Variants in PLCB3 observed in about 807,000 individuals in gnomAD.
PLCB3 encodes the protein phospholipase C beta 3.
In PLCB3, 54 loss-of-function variants were observed where a neutral mutation model predicts 152.1. The ratio of observed to expected loss-of-function variants is 0.36; its 90% CI spans 0.29 to 0.45. The LOEUF (loss-of-function observed/expected upper bound fraction) is 0.45. PLCB3 is among the 20% of genes least tolerant of loss of function. The pLI, the probability that PLCB3 is intolerant of heterozygous loss-of-function variation, is 1.00. For synonymous variants in PLCB3, 717 were observed against 698.7 expected, an observed-to-expected ratio of 1.03 and a Z score of -0.41; for missense variants, 1,248 against 1,687.5, an observed-to-expected ratio of 0.74 and a Z score of 4.56.
At position 64,264,012 on chromosome 11, in the gene PLCB3, T is replaced by TC; in HGVS notation, c.2561-3dup. 1.9e-6 allele frequency: 3 copies of TC among 1,564,396 alleles called. No homozygotes were observed. The highest frequency in any genetic ancestry group is 8.7e-7 in the Non-Finnish European group (1 of 1,154,542). On this transcript the variant is annotated splice_polypyrimidine_tract_variant and intron_variant, in intron 21 of 30. Transcript: ENST00000279230. ...GTCTCTGAGACCTTGGCCTTCTGCC[T>TC]CCCCCCAGACTATGCGGAGGCCCTG...
chr11:64,267,787 C>T lies in PLCB3; in HGVS notation c.*231C>T. On this transcript the variant is annotated 3_prime_UTR_variant, in exon 31 of 31. Transcript: ENST00000279230. This position sits in a 1 kb window ranked among gnomAD's most constrained non-coding sequence, Gnocchi z 5.2. ...AGGGCTTTGCTCCCTGTGACACCCA[C>T]ACCCTCGAGCTAGCAGCGTCTCCTC... The T allele has an allele frequency of 2.0e-6, 1 of 488,562 alleles. No homozygotes were observed. Among genetic ancestry groups the T allele is most frequent in the Non-Finnish European group, 3.6e-6 (1 of 277,666 alleles). The allele number at this position is 488,562 out of a possible 1,614,324, so 30.3% of individuals were successfully genotyped here.
In PLCB3 at chr11:64,265,322, C is replaced by A. The variant is rs765829193; in HGVS notation, c.2855C>A (p.Thr952Asn). 1.3e-6 allele frequency: 2 copies of A among 1,596,652 alleles called. No homozygotes were observed. The highest frequency in any genetic ancestry group is 2.2e-5 in the South Asian group (2 of 89,318). Residue 952 changes from threonine (T) to asparagine (N), a missense_variant, in exon 25 of 31, where the codon ACC (threonine) becomes AAC (asparagine). Around this residue, in one of 6 missense-constraint regions of PLCB3, gnomAD observed 477 missense variants for 489.6 expected, o/e 0.97. Coordinates refer to ENST00000279230, the MANE Select transcript of PLCB3 (RefSeq NM_000932.5). ...IASILSEVAP[T>N]PLDELRGHKA... ...CTGCCGCTCCCAGAGGTGGCCCCCA[C>A]CCCGCTGGATGAGCTCCGAGGTCAC...
In PLCB3 at chr11:64,266,642, C is replaced by A; in HGVS notation, c.3414+90C>A. On this transcript the variant is annotated intron_variant, in intron 29 of 30. Transcript: ENST00000279230. The surrounding 1 kb of genome is among the most constrained non-coding windows in gnomAD (Gnocchi z 4.9). Reference sequence around the variant, plus strand: ...CATGCCTGGCCTGGTGCCACGTTGCCCTCAAGGTTCTTCTAGGGCCTTTCT... The same window carrying A: ...CATGCCTGGCCTGGTGCCACGTTGCACTCAAGGTTCTTCTAGGGCCTTTCT... 7.8e-7 allele frequency: 1 copy of A among 1,285,710 alleles called. No individual in the cohort carries two copies. The highest frequency in any genetic ancestry group is 1.1e-6 in the Non-Finnish European group (1 of 886,300). The allele number at this position is 1,285,710 out of a possible 1,614,324, so 79.6% of individuals were successfully genotyped here. A position where few individuals can be genotyped will look rare whatever the true frequency, so the allele number is the denominator to read the frequency against.
rs768472749 is a variant in PLCB3 at position 64,266,071 on chromosome 11, G to A, written c.3189+32G>A. On this transcript the variant is annotated intron_variant, in intron 26 of 30. Coordinates refer to ENST00000279230, the MANE Select transcript of PLCB3 (RefSeq NM_000932.5). This position sits in a 1 kb window ranked among gnomAD's most constrained non-coding sequence, Gnocchi z 4.9. ...GGCCTGCAGTGGCCAGGGAAAGCCTGCTGGATAGACCCGTCGTCAGCCCGG... is the reference window on the plus strand; with the variant it reads ...GGCCTGCAGTGGCCAGGGAAAGCCTACTGGATAGACCCGTCGTCAGCCCGG... 6.2e-7 allele frequency: 1 copy of A among 1,613,960 alleles called. No homozygotes were observed. Among genetic ancestry groups the A allele is most frequent in the South Asian group, 1.1e-5 (1 of 91,080 alleles).
rs2031194452 is a variant in PLCB3, at chr11:64,251,533, C to G, written c.-117C>G. On this transcript the variant is annotated 5_prime_UTR_variant, in exon 1 of 31. Transcript: ENST00000279230. ...GAGGCTCTGGTCGGTCCGGGACAGACTGGCGGGCGGGCGGGCACTGACGCC... is the reference window on the plus strand; with the variant it reads ...GAGGCTCTGGTCGGTCCGGGACAGAGTGGCGGGCGGGCGGGCACTGACGCC... 1 of 273,856 alleles carries G rather than the reference C, an allele frequency of 3.7e-6. No individual in the cohort carries two copies. The highest frequency in any genetic ancestry group is 6.3e-6 in the Non-Finnish European group (1 of 159,168). The allele number at this position is 273,856 out of a possible 1,614,324, so 17.0% of individuals were successfully genotyped here.
At chr11:64,262,130 G>T (rs1162461516) in intron 17 of PLCB3, 54 bp downstream of exon 17, 1 of 1,609,604 alleles carries the variant, frequency 6.2e-7, no homozygotes, top group African/African-American at 1.3e-5. Flanking sequence ...ACTGACTTCT[G>T]ACCCACGATC....
At chr11:64,265,151 C>A (rs369637840) in intron 23 of PLCB3, 41 bp from the exon 24 acceptor site, 75 of 1,563,928 alleles carry the variant, frequency 4.8e-5, no homozygotes, top group Middle Eastern at 1.7e-4. Context: ...AGGCACCCCC[C>A]ACCCTGTCCT....
Position 64,262,645 on chromosome 11 carries a change from A to G in PLCB3, c.2194-2A>G. On this transcript the variant is annotated splice_acceptor_variant, in intron 18 of 30. Coordinates refer to ENST00000279230, the MANE Select transcript of PLCB3 (RefSeq NM_000932.5). LOFTEE classifies it high-confidence loss of function. Reference sequence around the variant, plus strand: ...GCCTCACCCTCCTTGGCCCACCCCCAGGTGATCTCAGGGCAGTTCCTGTCC... The same window carrying G: ...GCCTCACCCTCCTTGGCCCACCCCCGGGTGATCTCAGGGCAGTTCCTGTCC... The G allele has an allele frequency of 1.2e-6, 2 of 1,613,770 alleles. No individual in the cohort carries two copies. The highest frequency in any genetic ancestry group is 1.7e-6 in the Non-Finnish European group (2 of 1,179,952).
At chr11:64,256,807 G>T in intron 10 of PLCB3, 43 bp downstream of exon 10, 1 of 1,600,116 alleles carries the variant, frequency 6.2e-7, no homozygotes, top group South Asian at 1.1e-5. Context: ...TCTGCCCTGT[G>T]ACCCTTGCAC....
intron 17 of PLCB3, 28 bp from the exon 18 acceptor site, chr11:64,262,379 C>T (rs376611715): frequency 3.1e-6 from 5 of 1,607,008 alleles, no homozygotes; most frequent in Non-Finnish European, 4.3e-6. Flanking sequence ...GATCCCTGCC[C>T]CTGCTCGACG....
At position 64,266,483 on chromosome 11, in the gene PLCB3, G is replaced by A. The variant is rs2032129745; in HGVS notation, c.3357-12G>A. On this transcript the variant is annotated splice_polypyrimidine_tract_variant and intron_variant, in intron 28 of 30. Coordinates refer to ENST00000279230, the MANE Select transcript of PLCB3 (RefSeq NM_000932.5). The surrounding 1 kb of genome is among the most constrained non-coding windows in gnomAD (Gnocchi z 4.9). The stretch of plus-strand genomic sequence containing the variant: ...TCTGGGCCCCGAGCCATCCTGCGTT[G>A]CTCCCGTGCAGGGAACTGACGGAGA... 1.2e-6 allele frequency: 2 copies of A among 1,613,380 alleles called. No homozygotes were observed. Among genetic ancestry groups the A allele is most frequent in the Non-Finnish European group, 1.7e-6 (2 of 1,179,634 alleles).
Position 64,266,794 on chromosome 11 carries a change from C to A in PLCB3, c.3414+242C>A, listed in dbSNP as rs1316650631. Reference sequence around the variant, plus strand: ...CCTGATACATTGCCCTGGGAGCCTTCGCCCACCTGACTTCTTTTTCTTTGA... The same window carrying A: ...CCTGATACATTGCCCTGGGAGCCTTAGCCCACCTGACTTCTTTTTCTTTGA... On this transcript the variant is annotated intron_variant, in intron 29 of 30. Transcript: ENST00000279230. The surrounding 1 kb of genome is among the most constrained non-coding windows in gnomAD (Gnocchi z 4.9). Among the ~76,000 whole-genome samples the A allele has an allele frequency of 6.6e-6, 1 of 152,070 alleles. No individual in the cohort carries two copies. Among genetic ancestry groups the A allele is most frequent in the Non-Finnish European group, 1.5e-5 (1 of 68,000 alleles).
rs765740506 is a variant in PLCB3 at position 64,259,210 on chromosome 11, C to G, written c.1491C>G (p.Ser497Arg). The change falls in exon 13 of 31, where the codon AGC (serine) becomes AGG (arginine). Residue 497 changes from serine (S) to arginine (R), a missense_variant. By Grantham distance (110) the Ser-to-Arg change is moderately radical. Around this residue, in one of 6 missense-constraint regions of PLCB3, gnomAD observed 105 missense variants for 100.9 expected, o/e 1.04. Transcript: ENST00000279230. ...AGAGCAATTCTGCCCTGAGCGAGAG[C>G]TCCGCGGCCACCGAGCCCTCCTCCC... ...LEQSNSALSE[S>R]SAATEPSSPQ... 38 of 1,569,402 alleles carry G rather than the reference C, an allele frequency of 2.4e-5. No homozygotes were observed. Among genetic ancestry groups the G allele is most frequent in the Middle Eastern group, 1.9e-4 (1 of 5,192 alleles).
At position 64,251,750 on chromosome 11, in the gene PLCB3, TA is replaced by T; in HGVS notation, c.99+4del. 7.0e-7 allele frequency: 1 copy of T among 1,438,408 alleles called. No individual in the cohort carries two copies. The highest frequency in any genetic ancestry group is 9.2e-7 in the Non-Finnish European group (1 of 1,085,000). 89.1% of individuals were successfully genotyped at this position (1,438,408 alleles called of 1,614,324 possible). On this transcript the variant is annotated splice_donor_region_variant and intron_variant, in intron 1 of 30. Coordinates refer to ENST00000279230, the MANE Select transcript of PLCB3 (RefSeq NM_000932.5). Reference sequence around the variant, plus strand: ...AGTAAGTTCATCAAATGGGACGAGGTAAGCGCGCGGGCCCCTGCTCCGCCCA... The same window carrying T: ...AGTAAGTTCATCAAATGGGACGAGGTAGCGCGCGGGCCCCTGCTCCGCCCA...
At chr11:64,261,758 G>A in intron 16 of PLCB3, 93 bp downstream of exon 16, 1 of 1,427,906 alleles carries the variant, frequency 7.0e-7, no homozygotes, top group Non-Finnish European at 9.9e-7. Flanking sequence ...CACCTGCACA[G>A]GGTGCTGGCC....
At chr11:64,269,443 C>G (rs1362126253), downstream of PLCB3, among the ~76,000 whole-genome samples, 1 of 152,254 alleles carries the variant, frequency 6.6e-6, no homozygotes, top group African/African-American at 2.4e-5. Context: ...CAGTTTCCAG[C>G]GACCGCGCTG....
intron 14 of PLCB3, among the ~76,000 whole-genome samples, chr11:64,260,683 G>C (rs1251557461): frequency 7.1e-6 from 1 of 141,514 alleles, no homozygotes; most frequent in Non-Finnish European, 1.5e-5. Context: ...TGAGGCATGA[G>C]AATCCCTTGA....
At position 64,258,381 on chromosome 11, in the gene PLCB3, G is replaced by T. The variant is rs2532581; in HGVS notation, c.1013-92G>T. On this transcript the variant is annotated intron_variant, in intron 10 of 30. Coordinates refer to ENST00000279230, the MANE Select transcript of PLCB3 (RefSeq NM_000932.5). The surrounding 1 kb of genome is among the most constrained non-coding windows in gnomAD (Gnocchi z 7.2). Reference sequence around the variant, plus strand: ...CCATCTGAGAGATGGAGAGCCCTCTGCAAATCCAGCATGTCCTGGTTCCAG... The same window carrying T: ...CCATCTGAGAGATGGAGAGCCCTCTTCAAATCCAGCATGTCCTGGTTCCAG... The T allele has an allele frequency of 7.0e-7, 1 of 1,433,950 alleles. No individual in the cohort carries two copies. The highest frequency in any genetic ancestry group is 1.4e-5 in the African/African-American group (1 of 71,050). 88.8% of individuals were successfully genotyped at this position (1,433,950 alleles called of 1,614,324 possible).
In PLCB3 at chr11:64,255,607, A is replaced by AT. The variant is rs760416699; in HGVS notation, c.590dup (p.Asn198GlnfsTer4). On this transcript the variant is annotated frameshift_variant, in exon 7 of 31. Transcript: ENST00000279230. LOFTEE classifies it high-confidence loss of function. This position sits in a 1 kb window ranked among gnomAD's most constrained non-coding sequence, Gnocchi z 6.8. ...CTGCGCTGGAATCCTGTGGCCTCAA[A>AT]TTCAACCGGGTGTGTGGGGTGGGGA... The AT allele has an allele frequency of 1.0e-6, 1 of 1,000,398 alleles. No homozygotes were observed. Among genetic ancestry groups the AT allele is most frequent in the African/African-American group, 1.7e-5 (1 of 57,356 alleles). 62.0% of individuals were successfully genotyped at this position (1,000,398 alleles called of 1,614,324 possible).
Sources: gnomAD v4.1 joint callset for allele counts (sites outside exome capture counted in the v4.1 genomes callset) on GRCh38, gnomAD v4.1.1 for gene constraint, gnomAD v4.1.1 regional missense constraint, Gnocchi (gnomAD v3.1) non-coding constraint, MANE v1.5 for transcripts, NCBI Gene and HGNC (gene_info 2026-07-23, HGNC 2026-07-21) for gene names.